Variants in GPSM1 observed in about 807,000 individuals in gnomAD.
The protein encoded by GPSM1 is G protein signaling modulator 1.
GPSM1 carries 48 observed loss-of-function variants against 70.5 expected under a neutral mutation model. That is an observed-to-expected ratio of 0.68 (90% CI 0.54 to 0.87). The LOEUF is 0.87. Among genes scored for constraint, GPSM1 ranks in the 40% least tolerant of loss-of-function variants. The probability of loss-of-function intolerance (pLI) is 0.00; values close to 1 mark genes in which losing one functional copy is unlikely to be tolerated. For synonymous variants in GPSM1, 416 were observed against 430.1 expected (o/e 0.97, Z 0.41); for missense variants, 981 against 972.6 (o/e 1.01, Z -0.11).
intron 9 of GPSM1, among the ~76,000 whole-genome samples, chr9:136,347,015 C>T (rs1005278658): frequency 4.6e-5 from 7 of 152,330 alleles, no homozygotes; most frequent in Middle Eastern, 3.4e-3. Flanking sequence ...TGCCCCAACC[C>T]TGGTGGCTGT....
chr9:136,345,075 C>T (rs1554771025), intron 9 of GPSM1, among the ~76,000 whole-genome samples: 2 of 152,108 alleles, frequency 1.3e-5, no homozygotes, highest in African/African-American at 4.8e-5. Flanking sequence ...CAGAGGTGGG[C>T]GTGAAGGAAC....
At chr9:136,355,560 AG>A in intron 11 of GPSM1, 129 bp from the exon 12 acceptor site, 2 of 746,278 alleles carry the variant, frequency 2.7e-6, no homozygotes, top group Non-Finnish European at 4.3e-6. Flanking sequence ...GGTAGCCGAC[AG>A]GGGGCAGGTT....
At position 136,358,282 on chromosome 9, in the gene GPSM1, C is replaced by T. The variant is rs868946682; in HGVS notation, c.*62C>T. 4 of 1,371,178 alleles carry T rather than the reference C, an allele frequency of 2.9e-6. No homozygotes were observed. The highest frequency in any genetic ancestry group is 2.4e-4 in the Middle Eastern group (1 of 4,114). 84.9% of individuals were successfully genotyped at this position (1,371,178 alleles called of 1,614,324 possible). ...CTCCTGGACGCCGGTCTCACAGTCA[C>T]AGCCACGTCCTCCCGAGGCCATTGC... On this transcript the variant is annotated 3_prime_UTR_variant, in exon 14 of 14. Coordinates refer to ENST00000440944, the MANE Select transcript of GPSM1 (RefSeq NM_001145638.3).
rs556403515 is a variant in GPSM1 at position 136,348,056 on chromosome 9, T to C, written c.1208-641T>C. Among the ~76,000 whole-genome samples, 6 of 152,278 alleles carry C rather than the reference T, an allele frequency of 3.9e-5. No homozygotes were observed. In the South Asian group the frequency reaches 1.2e-3, roughly 32 times the overall value. On this transcript the variant is annotated intron_variant, in intron 9 of 13. Coordinates refer to ENST00000440944, the MANE Select transcript of GPSM1 (RefSeq NM_001145638.3). ...TGGCCAGTGTTGGGTCAGGCAGCTG[T>C]GCCCCACCACCCCACTGCGGCTAGA...
intron 7 of GPSM1, among the ~76,000 whole-genome samples, chr9:136,339,388 C>T (rs1369889004): frequency 2.6e-5 from 4 of 152,242 alleles, no homozygotes; most frequent in African/African-American, 9.6e-5. Flanking sequence ...CGCCAGGGGG[C>T]GAGCGAGGCC....
chr9:136,349,519 T>G, intron 10 of GPSM1, 68 bp from the exon 11 acceptor site: 2 of 1,408,862 alleles, frequency 1.4e-6, no homozygotes, highest in Non-Finnish European at 1.9e-6. Flanking sequence ...GGCCTTCCCT[T>G]CAGGGTCCTG....
intron 3 of GPSM1, 46 bp from the exon 4 acceptor site, chr9:136,336,875 T>C (rs1242077595): frequency 1.3e-6 from 2 of 1,525,082 alleles, no homozygotes; most frequent in African/African-American, 2.8e-5. Flanking sequence ...GCACATCGTG[T>C]GGGGGGCCGT....
At chr9:136,356,261 C>A in intron 12 of GPSM1, 81 bp from the exon 13 acceptor site, 1 of 1,096,778 alleles carries the variant, frequency 9.1e-7, no homozygotes, top group Non-Finnish European at 1.3e-6. Flanking sequence ...GCTCAGAGGT[C>A]AGAGCTCACT....
chr9:136,335,998 C>T lies in GPSM1; in HGVS notation c.323C>T (p.Ala108Val), dbSNP rs782219734. 1.9e-6 allele frequency: 3 copies of T among 1,612,552 alleles called. No homozygotes were observed. The highest frequency in any genetic ancestry group is 2.2e-5 in the East Asian group (1 of 44,882). ...TIGDRMGEAK[A>V]SGNLGNTLKV... ...GGTGACCGCATGGGGGAGGCCAAGG[C>T]CAGTGGAAACCTGGGAAACACACTC... The change falls in exon 3 of 14, where the codon GCC becomes GTC. Residue 108 changes from alanine (A) to valine (V), a missense_variant. Ala to Val is a moderately conservative substitution (Grantham distance 64). Coordinates refer to ENST00000440944, the MANE Select transcript of GPSM1 (RefSeq NM_001145638.3).
chr9:136,338,862 G>C, intron 7 of GPSM1, 152 bp downstream of exon 7: 1 of 836,788 alleles, frequency 1.2e-6, no homozygotes, highest in Non-Finnish European at 1.8e-6. Flanking sequence ...GACTGAGCCA[G>C]ACAGTGTGGA....
intron 1 of GPSM1, among the ~76,000 whole-genome samples, chr9:136,332,870 A>G (rs965101815): frequency 1.2e-4 from 18 of 147,040 alleles, no homozygotes; most frequent in African/African-American, 4.2e-4. Flanking sequence ...AAAGCTGGGC[A>G]TGATGGTGCA....
rs1171557865 is a variant in GPSM1, at chr9:136,327,665, C to T, written c.-31C>T. The T allele has an allele frequency of 2.0e-5, 19 of 929,142 alleles. No individual in the cohort carries two copies. The African/African-American group carries it at 3.0e-4, about 15-fold the overall frequency. 57.6% of individuals were successfully genotyped at this position (929,142 alleles called of 1,614,324 possible). A position where few individuals can be genotyped will look rare whatever the true frequency, so the allele number is the denominator to read the frequency against. ...GCGGACGGCCACGGCGCGGGGGGCG[C>T]TCCCGGCTCCCGCTCCCGCGTCCCC... On this transcript the variant is annotated 5_prime_UTR_variant, in exon 1 of 14. Transcript: ENST00000440944.
At chr9:136,338,988 G>A (rs1002606232) in intron 7 of GPSM1, among the ~76,000 whole-genome samples, 1 of 152,246 alleles carries the variant, frequency 6.6e-6, no homozygotes. Flanking sequence ...ACTCTCTGGA[G>A]AGAGACAGGC....
chr9:136,330,127 G>A (rs1480071664), intron 1 of GPSM1, among the ~76,000 whole-genome samples: 1 of 152,136 alleles, frequency 6.6e-6, no homozygotes, highest in Non-Finnish European at 1.5e-5. Flanking sequence ...TGGCTGAGAA[G>A]GCCCCGGAAA....
chr9:136,358,015 C>T lies in GPSM1; in HGVS notation c.1823C>T (p.Ser608Phe), dbSNP rs781950295. The T allele has an allele frequency of 1.9e-6, 3 of 1,612,148 alleles. No homozygotes were observed. The highest frequency in any genetic ancestry group is 2.2e-5 in the East Asian group (1 of 44,878). The stretch of plus-strand genomic sequence containing the variant: ...GCCAACTGCACTGTGTCCACCCAGT[C>T]CTCCAGGATCGATGACCAGCGCTGC... Reference protein sequence around the residue: ...DFFNMLIKYQSSRIDDQRCPP... With the variant: ...DFFNMLIKYQFSRIDDQRCPP... Residue 608 changes from serine to phenylalanine, a missense_variant and splice_region_variant, in exon 14 of 14, where the codon TCC (serine) becomes TTC (phenylalanine). Transcript: ENST00000440944.
chr9:136,338,720 C>G lies in GPSM1; in HGVS notation c.974+10C>G, dbSNP rs782087868. ...AGGAGCTGGCCGACAGGTGCGTGGGCGCGGACGCGGCGGGCAGACCCGGCC... is the reference window on the plus strand; with the variant it reads ...AGGAGCTGGCCGACAGGTGCGTGGGGGCGGACGCGGCGGGCAGACCCGGCC... On this transcript the variant is annotated intron_variant, in intron 7 of 13. Coordinates refer to ENST00000440944, the MANE Select transcript of GPSM1 (RefSeq NM_001145638.3). 3.4e-5 allele frequency: 53 copies of G among 1,538,992 alleles called. 1 individual carries two copies. In the South Asian group the frequency reaches 6.1e-4, roughly 18 times the overall value.
intron 11 of GPSM1, among the ~76,000 whole-genome samples, chr9:136,351,728 C>T (rs1000019412): frequency 2.6e-5 from 4 of 152,242 alleles, no homozygotes; most frequent in East Asian, 1.9e-4. Flanking sequence ...GCAACCACCG[C>T]GGGGCAGGAC....
intron 10 of GPSM1, 86 bp from the exon 11 acceptor site, chr9:136,349,501 G>A (rs1010328125): frequency 8.2e-7 from 1 of 1,213,488 alleles, no homozygotes; most frequent in African/African-American, 1.5e-5. Flanking sequence ...ATGAAATGGA[G>A]GCGGCCTGGC....
At chr9:136,345,490 G>A (rs1353790246) in intron 9 of GPSM1, among the ~76,000 whole-genome samples, 5 of 152,200 alleles carry the variant, frequency 3.3e-5, no homozygotes, top group African/African-American at 7.2e-5. Context: ...GAGGGCGCCC[G>A]CCCTGGGGCC....
Sources: allele counts gnomAD v4.1 joint callset (sites outside exome capture counted in the v4.1 genomes callset), GRCh38; gene constraint gnomAD v4.1.1; transcripts MANE v1.5; gene names NCBI Gene and HGNC (gene_info 2026-07-23, HGNC 2026-07-21).